RBFOX1: variants seen among roughly 807,000 people sequenced by gnomAD.
The protein encoded by RBFOX1 is RNA binding protein fox-1 homolog 1.
Under a neutral mutation model 57.7 loss-of-function variants are expected in RBFOX1, and 8 were observed. The observed-to-expected ratio is 0.14, with a 90% confidence interval of 0.08 to 0.25. The LOEUF (loss-of-function observed/expected upper bound fraction) is 0.25. Among genes scored for constraint, RBFOX1 ranks in the 10% least tolerant of loss-of-function variants. The pLI is 1.00. For missense variants in RBFOX1, 611 were observed against 548.5 expected, an observed-to-expected ratio of 1.11 and a Z score of -1.14; for synonymous variants, 326 against 222.4, an observed-to-expected ratio of 1.47 and a Z score of -4.15.
At chr16:5,681,591 C>G (rs1262459316) in intron 3 of RBFOX1, among the ~76,000 whole-genome samples, 2 of 151,502 alleles carry the variant, frequency 1.3e-5, no homozygotes, top group African/African-American at 2.4e-5. Context: ...CGGACTTTCT[C>G]CATGTTGGTC....
intron 5 of RBFOX1, among the ~76,000 whole-genome samples, chr16:7,520,265 A>T (rs932854443): frequency 6.6e-6 from 1 of 152,206 alleles, no homozygotes; most frequent in African/African-American, 2.4e-5. Context: ...TTATTGTGGT[A>T]AAATACATAT....
intron 3 of RBFOX1, among the ~76,000 whole-genome samples, chr16:6,668,141 T>C (rs1355090097): frequency 6.6e-6 from 1 of 152,136 alleles, no homozygotes; most frequent in Non-Finnish European, 1.5e-5. Flanking sequence ...TGAAAGAGTA[T>C]AGAGTTGAGA....
chr16:5,251,237 G>C (rs376207522), intron 1 of RBFOX1, among the ~76,000 whole-genome samples: 1 of 152,192 alleles, frequency 6.6e-6, no homozygotes, highest in African/African-American at 2.4e-5. Flanking sequence ...TGCAGATCTC[G>C]AGGCCTGCCT....
chr16:5,580,329 G>T (rs1323485936), intron 2 of RBFOX1, among the ~76,000 whole-genome samples: 1 of 152,226 alleles, frequency 6.6e-6, no homozygotes, highest in African/African-American at 2.4e-5. Flanking sequence ...GGACTGATTG[G>T]TAATTGAGCT....
intron 3 of RBFOX1, among the ~76,000 whole-genome samples, chr16:6,931,355 A>T (rs2076524201): frequency 6.6e-6 from 1 of 151,168 alleles, no homozygotes; most frequent in Non-Finnish European, 1.5e-5. Context: ...ACACACACAC[A>T]CACACACATA....
chr16:5,908,207 C>CATATATATACATATAT (rs2058518726), intron 4 of RBFOX1, among the ~76,000 whole-genome samples: 1 of 144,862 alleles, frequency 6.9e-6, no homozygotes, highest in South Asian at 2.1e-4. Context: ...CATATACACA[C>CATATATATACATATAT]ATATATATAC....
chr16:7,626,628 T>G (rs1195353838), intron 10 of RBFOX1, among the ~76,000 whole-genome samples: 1 of 152,130 alleles, frequency 6.6e-6, no homozygotes, highest in Non-Finnish European at 1.5e-5. Context: ...GCCAACTTTA[T>G]AAGAACCAGG....
At chr16:7,004,883 C>G (rs995546051) in intron 3 of RBFOX1, among the ~76,000 whole-genome samples, 13 of 152,258 alleles carry the variant, frequency 8.5e-5, no homozygotes, top group African/African-American at 2.9e-4. Context: ...GGTGAGGTGA[C>G]TCACACCTGT....
chr16:6,258,884 C>T (rs554129382), intron 1 of RBFOX1, among the ~76,000 whole-genome samples: 2 of 152,220 alleles, frequency 1.3e-5, no homozygotes, highest in South Asian at 2.1e-4. Flanking sequence ...TAAAGATATA[C>T]AGCTATCTAT....
intron 4 of RBFOX1, among the ~76,000 whole-genome samples, chr16:6,009,658 C>G (rs920957153): frequency 6.6e-6 from 1 of 152,126 alleles, no homozygotes; most frequent in Non-Finnish European, 1.5e-5. Context: ...TATCCATGCA[C>G]AAAGCCCTCA....
intron 1 of RBFOX1, among the ~76,000 whole-genome samples, chr16:5,376,798 T>C (rs1296238551): frequency 6.6e-6 from 1 of 151,454 alleles, no homozygotes; most frequent in Non-Finnish European, 1.5e-5. Context: ...AGACCAGAAG[T>C]GTCAGAGATA....
intron 1 of RBFOX1, among the ~76,000 whole-genome samples, chr16:6,288,534 A>G (rs1362581854): frequency 2.0e-5 from 3 of 152,184 alleles, no homozygotes; most frequent in Non-Finnish European, 4.4e-5. Flanking sequence ...TACATGTCCT[A>G]TGCTAGATAC....
intron 3 of RBFOX1, among the ~76,000 whole-genome samples, chr16:6,681,843 G>A (rs2058698925): frequency 6.6e-6 from 1 of 152,156 alleles, no homozygotes; most frequent in Non-Finnish European, 1.5e-5. Flanking sequence ...TAAAGACAAA[G>A]TGAGCTATTT....
At chr16:6,919,984 C>G (rs529297233) in intron 3 of RBFOX1, among the ~76,000 whole-genome samples, 13 of 151,986 alleles carry the variant, frequency 8.6e-5, no homozygotes, top group East Asian at 1.9e-4. Context: ...CATTCTTGCC[C>G]CTTTGCATCC....
At chr16:7,610,072 T>C (rs2057138413) in intron 10 of RBFOX1, among the ~76,000 whole-genome samples, 1 of 147,466 alleles carries the variant, frequency 6.8e-6, no homozygotes, top group Non-Finnish European at 1.5e-5. Flanking sequence ...CTCCTCGGCC[T>C]CCTGAAGTGC....
chr16:5,696,709 A>T (rs2151472360), intron 3 of RBFOX1, among the ~76,000 whole-genome samples: 1 of 152,290 alleles, frequency 6.6e-6, no homozygotes, highest in Middle Eastern at 3.4e-3. Context: ...ATACTTGAGG[A>T]GAGTTTACAT....
At chr16:7,512,666 T>C (rs2075409697) in intron 4 of RBFOX1, among the ~76,000 whole-genome samples, 1 of 152,192 alleles carries the variant, frequency 6.6e-6, no homozygotes, top group African/African-American at 2.4e-5. Flanking sequence ...TTTGCCAGAA[T>C]TGCACAACTC....
intron 5 of RBFOX1, among the ~76,000 whole-genome samples, chr16:7,548,764 A>G (rs1324016509): frequency 1.3e-5 from 2 of 152,182 alleles, no homozygotes; most frequent in East Asian, 1.9e-4. Context: ...TGAGGCCGCC[A>G]TGTTTGCCTC....
intron 2 of RBFOX1, among the ~76,000 whole-genome samples, chr16:5,566,209 C>T (rs187529375): frequency 9.9e-5 from 15 of 152,126 alleles, no homozygotes; most frequent in Admixed American, 3.3e-4. Context: ...GATGTGAATC[C>T]GACCACACTT....
Sources: allele counts gnomAD v4.1 joint callset (sites outside exome capture counted in the v4.1 genomes callset), GRCh38; gene constraint gnomAD v4.1.1; transcripts MANE v1.5; gene names NCBI Gene and HGNC (gene_info 2026-07-23, HGNC 2026-07-21).